Variants in LRSAM1 observed in about 807,000 individuals in gnomAD.
The protein encoded by LRSAM1 is E3 ubiquitin-protein ligase LRSAM1.
A neutral mutation model predicts 118.1 loss-of-function variants in LRSAM1; 96 were observed. The ratio of observed to expected loss-of-function variants is 0.81; its 90% CI spans 0.69 to 0.96. The LOEUF (loss-of-function observed/expected upper bound fraction) is 0.96, where lower values mean the gene tolerates loss of function less well. LRSAM1 is among the 40% of genes least tolerant of loss of function. The probability of loss-of-function intolerance (pLI) is 0.00; values close to 1 mark genes in which losing one functional copy is unlikely to be tolerated. For synonymous variants in LRSAM1, 322 were observed against 364.2 expected (o/e 0.88, Z 1.32); for missense variants, 804 against 915.5 (o/e 0.88, Z 1.57).
intron 25 of LRSAM1, among the ~76,000 whole-genome samples, chr9:127,502,174 G>C (rs1250813080): frequency 6.6e-6 from 1 of 152,252 alleles, no homozygotes; most frequent in African/African-American, 2.4e-5. Flanking sequence ...TCCGTCGCCT[G>C]TCCAGAGCGC....
intron 9 of LRSAM1, among the ~76,000 whole-genome samples, chr9:127,464,646 C>T (rs1371328886): frequency 6.6e-6 from 1 of 151,440 alleles, no homozygotes; most frequent in African/African-American, 2.4e-5. Flanking sequence ...CTGGACACTT[C>T]AATTTTTTTT....
chr9:127,493,045 A>C lies in LRSAM1; in HGVS notation c.1599+148A>C, dbSNP rs1588134473. ...ACAAAGGAAAATAATTGCATTTCCA[A>C]GCGTTATCTCCTGCCATTTTTTATT... On this transcript the variant is annotated intron_variant, in intron 21 of 25. Transcript: ENST00000300417. 9.3e-6 allele frequency: 7 copies of C among 750,206 alleles called. No individual in the cohort carries two copies. In the East Asian group the frequency reaches 1.9e-4, roughly 20 times the overall value. The allele number at this position is 750,206 out of a possible 1,614,324, so 46.5% of individuals were successfully genotyped here. A position where few individuals can be genotyped will look rare whatever the true frequency, so the allele number is the denominator to read the frequency against.
chr9:127,496,256 G>C (rs1209528723), intron 23 of LRSAM1, among the ~76,000 whole-genome samples, 161 bp downstream of exon 23: 1 of 152,262 alleles, frequency 6.6e-6, no homozygotes, highest in African/African-American at 2.4e-5. Flanking sequence ...CTGCCCATCT[G>C]CCCCAGCCGC....
At chr9:127,487,370 G>A (rs1406087459) in intron 17 of LRSAM1, 1 of 370,152 alleles carries the variant, frequency 2.7e-6, no homozygotes, top group Non-Finnish European at 5.3e-6. Context: ...ACCCATGGAG[G>A]TGGCTGGGCA....
At chr9:127,484,263 C>CTTTTTTTTTTTTTTTTTTTTCCTTTT (rs35834839) in intron 16 of LRSAM1, among the ~76,000 whole-genome samples, 1 of 133,684 alleles carries the variant, frequency 7.5e-6, no homozygotes, top group Non-Finnish European at 1.6e-5. Context: ...ATTTCTTTCC[C>CTTTTTTTTTTTTTTTTTTTTCCTTTT]TTTTTTTTTT....
rs1224919271 is a variant in LRSAM1, at chr9:127,480,042, G to A, written c.1043+64G>A. On this transcript the variant is annotated intron_variant, in intron 14 of 25. Transcript: ENST00000300417. ...CCCCGTGCAGTCCCCTGAGGAGCCG[G>A]GAGGAGTGTGTTTCTCCCTCACTGC... The A allele has an allele frequency of 1.9e-6, 3 of 1,610,534 alleles. No homozygotes were observed. In the African/African-American group the frequency reaches 4.0e-5, roughly 22 times the overall value.
At chr9:127,496,582 A>G (rs1203268516) in intron 23 of LRSAM1, among the ~76,000 whole-genome samples, 1 of 152,210 alleles carries the variant, frequency 6.6e-6, no homozygotes, top group East Asian at 1.9e-4. Context: ...CACTTTTTGT[A>G]TTCGAACTCA....
chr9:127,495,329 G>A lies in LRSAM1; in HGVS notation c.1609G>A (p.Glu537Lys), dbSNP rs537401439. 7 of 1,614,044 alleles carry A rather than the reference G, an allele frequency of 4.3e-6. No individual in the cohort carries two copies. In the African/African-American group the frequency reaches 9.3e-5, roughly 22 times the overall value. Reference sequence around the variant, plus strand: ...GCTTCATTCCTGGCAGACGGAGTTAGAAGCCAAAAGTGAAACCAGGCAGGA... The same window carrying A: ...GCTTCATTCCTGGCAGACGGAGTTAAAAGCCAAAAGTGAAACCAGGCAGGA... ...EELREILTEL[E>K]AKSETRQENY... The change falls in exon 22 of 26, where the codon GAA (glutamate) becomes AAA (lysine). Residue 537 changes from glutamate to lysine, a missense_variant. Physicochemically the swap from Glu to Lys is moderately conservative, Grantham distance 56. Coordinates refer to ENST00000300417, the MANE Select transcript of LRSAM1 (RefSeq NM_001005373.4).
intron 10 of LRSAM1, among the ~76,000 whole-genome samples, chr9:127,468,960 C>A (rs762965206): frequency 4.0e-5 from 6 of 151,382 alleles, no homozygotes; most frequent in Admixed American, 2.6e-4. Context: ...AAGACTCCAA[C>A]AAAGCAATAC....
At chr9:127,455,654 G>C in intron 5 of LRSAM1, 34 bp downstream of exon 5, 1 of 1,608,094 alleles carries the variant, frequency 6.2e-7, no homozygotes, top group Non-Finnish European at 8.5e-7. Flanking sequence ...AGACTTTCTT[G>C]TTGCATGTCT....
At chr9:127,491,372 G>A in intron 20 of LRSAM1, 77 bp downstream of exon 20, 1 of 1,169,552 alleles carries the variant, frequency 8.6e-7, no homozygotes, top group South Asian at 1.2e-5. Context: ...GCCTCTGGCA[G>A]CTGCTCACCA....
chr9:127,455,439 G>T (rs1260252315), intron 4 of LRSAM1, 137 bp from the exon 5 acceptor site: 2 of 876,368 alleles, frequency 2.3e-6, no homozygotes, highest in Non-Finnish European at 3.8e-6. Flanking sequence ...TTGCCCCTGG[G>T]CTCAGCACTG....
intron 6 of LRSAM1, 88 bp from the exon 7 acceptor site, chr9:127,458,915 G>A: frequency 7.7e-7 from 1 of 1,297,732 alleles, no homozygotes; most frequent in Non-Finnish European, 1.1e-6. Flanking sequence ...GGGGGTGTGA[G>A]GTGGCCCCAG....
chr9:127,469,226 T>C (rs530777056), intron 10 of LRSAM1, among the ~76,000 whole-genome samples: 2 of 151,940 alleles, frequency 1.3e-5, no homozygotes, highest in Admixed American at 1.3e-4. Context: ...TCCCAGCACT[T>C]TGGGAGGCTG....
At chr9:127,475,547 G>A (rs569149288) in intron 11 of LRSAM1, among the ~76,000 whole-genome samples, 1 of 152,144 alleles carries the variant, frequency 6.6e-6, no homozygotes, top group East Asian at 1.9e-4. Flanking sequence ...GGTAATCAGA[G>A]GAGAGGCATG....
chr9:127,478,363 A>ACAC (rs1835413879), intron 11 of LRSAM1, among the ~76,000 whole-genome samples: 1 of 152,216 alleles, frequency 6.6e-6, no homozygotes, highest in South Asian at 2.1e-4. Context: ...ATGTTTTTGC[A>ACAC]AAAGTAGAAT....
At chr9:127,483,676 T>C (rs1422832535) in intron 16 of LRSAM1, among the ~76,000 whole-genome samples, 1 of 152,194 alleles carries the variant, frequency 6.6e-6, no homozygotes, top group Non-Finnish European at 1.5e-5. Context: ...ATTTTATTTA[T>C]GTTTTGAGAC....
intron 19 of LRSAM1, among the ~76,000 whole-genome samples, 198 bp from the exon 20 acceptor site, chr9:127,491,017 C>T (rs1156471980): frequency 2.0e-5 from 3 of 151,870 alleles, no homozygotes; most frequent in East Asian, 1.9e-4. Context: ...GCCCCAGGAA[C>T]GCGAGGCCAT....
At chr9:127,473,692 C>A in intron 10 of LRSAM1, 109 bp from the exon 11 acceptor site, 1 of 1,461,048 alleles carries the variant, frequency 6.8e-7, no homozygotes, top group Non-Finnish European at 9.6e-7. Context: ...AAGAGGAGAG[C>A]AGTGGCTGAG....
Sources: allele counts gnomAD v4.1 joint callset (sites outside exome capture counted in the v4.1 genomes callset), GRCh38; gene constraint gnomAD v4.1.1; transcripts MANE v1.5; gene names NCBI Gene and HGNC (gene_info 2026-07-23, HGNC 2026-07-21).